NME9: variants seen among roughly 807,000 people sequenced by gnomAD.
NME9 encodes NME/NM23 family member 9, also known as thioredoxin domain-containing protein 6.
In NME9, 48 loss-of-function variants were observed where a neutral mutation model predicts 44.4. That is an observed-to-expected ratio of 1.08 (90% CI 0.86 to 1.37). The LOEUF (loss-of-function observed/expected upper bound fraction) is 1.37. Ranked by LOEUF, NME9 falls within the 40% of genes most tolerant of loss-of-function variation. NME9 has a pLI of 0.00. For missense variants in NME9, 325 were observed against 405.2 expected (o/e 0.80, Z 1.70); for synonymous variants, 139 against 147.1 (o/e 0.94, Z 0.40).
At chr3:138,271,984 A>G (rs2048848412) in intron 8 of NME9, among the ~76,000 whole-genome samples, 1 of 152,126 alleles carries the variant, frequency 6.6e-6, no homozygotes, top group Middle Eastern at 3.2e-3. Flanking sequence ...TTGTATCAAA[A>G]GTTGATTTGT....
intron 8 of NME9, among the ~76,000 whole-genome samples, chr3:138,290,811 A>G (rs1333339677): frequency 1.3e-5 from 2 of 152,376 alleles, no homozygotes; most frequent in South Asian, 2.1e-4. Flanking sequence ...CTGTAAACTA[A>G]TAATTACCAA....
At chr3:138,309,618 G>C (rs2052547706) in intron 6 of NME9, among the ~76,000 whole-genome samples, 1 of 152,206 alleles carries the variant, frequency 6.6e-6, no homozygotes, top group African/African-American at 2.4e-5. Context: ...CCAGGAGGCG[G>C]AGGTTGCAGT....
At position 138,303,516 on chromosome 3, in the gene NME9, C is replaced by T. The variant is rs148683422; in HGVS notation, c.919G>A (p.Ala307Thr). The change falls in exon 10 of 11, where the codon GCC becomes ACC. Residue 307 changes from alanine (A) to threonine (T), a missense_variant. Physicochemically the swap from Ala to Thr is moderately conservative, Grantham distance 58. Coordinates refer to ENST00000333911, the MANE Select transcript of NME9 (RefSeq NM_001349018.2). ...SLKFSDKDTE[A>T]PQGGEAEATA... ...TGCCTTGATGACTTACCCTGAGGGG[C>T]TTCTGTATCTTTGTCTGAAAATTTC... 85 of 1,613,196 alleles carry T rather than the reference C, an allele frequency of 5.3e-5. No homozygotes were observed. The Middle Eastern group carries it at 6.6e-4, about 13-fold the overall frequency.
At chr3:138,289,169 C>A in intron 8 of NME9, 1 of 1,456,608 alleles carries the variant, frequency 6.9e-7, no homozygotes, top group Non-Finnish European at 9.6e-7. Flanking sequence ...GGAAGAGTGT[C>A]TTGCACAGGG....
At position 138,324,363 on chromosome 3, in the gene NME9, A is replaced by G. The variant is rs115422641; in HGVS notation, c.91+510T>C. 2,064 of 429,684 alleles carry G rather than the reference A, an allele frequency of 4.8e-3. 36 individuals are homozygous for G. Among genetic ancestry groups the G allele is most frequent in the African/African-American group, 0.037 (1,811 of 49,576 alleles). 26.6% of individuals were successfully genotyped at this position (429,684 alleles called of 1,614,324 possible). A position where few individuals can be genotyped will look rare whatever the true frequency, so the allele number is the denominator to read the frequency against. On this transcript the variant is annotated intron_variant, in intron 2 of 10. Coordinates refer to ENST00000333911, the MANE Select transcript of NME9 (RefSeq NM_001349018.2). ...ATACCTGGACTCCTGACCCACAGAA[A>G]CTGGGATAATCAATGTTTGTTGTTG...
intron 8 of NME9, among the ~76,000 whole-genome samples, chr3:138,268,928 A>G (rs2048529831): frequency 6.6e-6 from 1 of 152,162 alleles, no homozygotes; most frequent in Non-Finnish European, 1.5e-5. Context: ...CCTTTCCTGA[A>G]TTTGGTAACT....
intron 6 of NME9, among the ~76,000 whole-genome samples, chr3:138,307,531 T>C (rs1374571200): frequency 6.6e-6 from 1 of 152,226 alleles, no homozygotes; most frequent in East Asian, 1.9e-4. Context: ...AAACATGTAC[T>C]GCAAATGTAT....
At chr3:138,299,544 G>A (rs990025050), downstream of NME9, among the ~76,000 whole-genome samples, 6 of 151,980 alleles carry the variant, frequency 3.9e-5, no homozygotes, top group Non-Finnish European at 8.8e-5. Context: ...AGCCACTCTC[G>A]GGAACCCCCT....
intron 8 of NME9, among the ~76,000 whole-genome samples, chr3:138,275,403 C>A (rs565064813): frequency 1.2e-4 from 19 of 152,038 alleles, no homozygotes; most frequent in African/African-American, 4.1e-4. Flanking sequence ...TAAAAAAATA[C>A]AAAAAATTAG....
intron 8 of NME9, chr3:138,270,137 G>A (rs899989984): frequency 6.3e-6 from 10 of 1,584,562 alleles, no homozygotes; most frequent in East Asian, 2.2e-5. Context: ...TTAATGGTAC[G>A]TTTCACTTTT....
chr3:138,307,932 T>A (rs1174769585), intron 6 of NME9, among the ~76,000 whole-genome samples: 2 of 152,140 alleles, frequency 1.3e-5, no homozygotes, highest in Non-Finnish European at 1.5e-5. Context: ...TGAGCACCAT[T>A]TCAGGGAGTA....
exon 9 of NME9, chr3:138,261,673 G>A (rs1045536434): frequency 6.6e-6 from 1 of 152,116 alleles, no homozygotes; most frequent in Non-Finnish European, 1.5e-5. Flanking sequence ...GTTAAAGTTT[G>A]GACACTTAAA....
intron 2 of NME9, among the ~76,000 whole-genome samples, chr3:138,323,352 G>C (rs959921469): frequency 1.3e-5 from 2 of 152,194 alleles, no homozygotes; most frequent in African/African-American, 4.8e-5. Context: ...AGAGACAGAG[G>C]TTGTAGTGAG....
At chr3:138,301,928 T>G (rs1438221391) in intron 10 of NME9, among the ~76,000 whole-genome samples, 1 of 152,254 alleles carries the variant, frequency 6.6e-6, no homozygotes, top group African/African-American at 2.4e-5. Flanking sequence ...ACATCCTGTC[T>G]TTCATCTTCA....
At chr3:138,276,642 A>G (rs369280199) in intron 8 of NME9, among the ~76,000 whole-genome samples, 4 of 152,262 alleles carry the variant, frequency 2.6e-5, no homozygotes, top group African/African-American at 9.6e-5. Context: ...GAACAATTGG[A>G]TATTGAGATA....
At chr3:138,273,600 T>G (rs2048984432) in intron 8 of NME9, among the ~76,000 whole-genome samples, 1 of 152,222 alleles carries the variant, frequency 6.6e-6, no homozygotes, top group Non-Finnish European at 1.5e-5. Flanking sequence ...TAGGAGAGGC[T>G]GAGCCTTGCT....
intron 8 of NME9, among the ~76,000 whole-genome samples, chr3:138,274,079 A>G (rs573516342): frequency 1.3e-5 from 2 of 152,220 alleles, no homozygotes; most frequent in Admixed American, 6.5e-5. Flanking sequence ...CGGCCCCCCA[A>G]AGTGCTGGGA....
chr3:138,329,353 G>A lies in NME9; in HGVS notation c.-18C>T, dbSNP rs774416363. 16 of 1,535,998 alleles carry A rather than the reference G, an allele frequency of 1.0e-5. No individual in the cohort carries two copies. Among genetic ancestry groups the A allele is most frequent in the Middle Eastern group, 1.7e-4 (1 of 5,988 alleles). On this transcript the variant is annotated 5_prime_UTR_variant, in exon 1 of 11. Coordinates refer to ENST00000333911, the MANE Select transcript of NME9 (RefSeq NM_001349018.2). The stretch of plus-strand genomic sequence containing the variant: ...CTGCCCATGGCTCTGCAAAGAAGAC[G>A]AAGCCCTGTTACCGCGGCCGTGGGC...
chr3:138,263,873 G>A, intron 8 of NME9: 1 of 1,524,778 alleles, frequency 6.6e-7, no homozygotes, highest in Non-Finnish European at 9.1e-7. Context: ...TATTTAACCT[G>A]TTTCCTTTCT....
Sources: allele counts gnomAD v4.1 joint callset (sites outside exome capture counted in the v4.1 genomes callset), GRCh38; gene constraint gnomAD v4.1.1; transcripts MANE v1.5; gene names NCBI Gene and HGNC (gene_info 2026-07-23, HGNC 2026-07-21).